Variants in DPF3 observed in about 807,000 individuals in gnomAD.
DPF3 encodes double PHD fingers 3.
A neutral mutation model predicts 56.8 loss-of-function variants in DPF3; 18 were observed. The ratio of observed to expected loss-of-function variants is 0.32; its 90% CI spans 0.22 to 0.47. The LOEUF is 0.47. Among genes scored for constraint, DPF3 ranks in the 20% least tolerant of loss-of-function variants. The pLI, the probability that DPF3 is intolerant of heterozygous loss-of-function variation, is 1.00. For synonymous variants in DPF3, 188 were observed against 180.2 expected (o/e 1.04, Z -0.35); for missense variants, 403 against 488.8 (o/e 0.82, Z 1.65).
chr14:72,685,666 T>C (rs1224892530), intron 7 of DPF3, among the ~76,000 whole-genome samples: 1 of 152,216 alleles, frequency 6.6e-6, no homozygotes, highest in Non-Finnish European at 1.5e-5. Context: ...ATACAGCACC[T>C]GCCTTGCAGG....
At chr14:72,861,801 A>T (rs543738645) in intron 1 of DPF3, among the ~76,000 whole-genome samples, 1 of 150,422 alleles carries the variant, frequency 6.6e-6, no homozygotes, top group Admixed American at 6.6e-5. Flanking sequence ...GAAAGAAAGA[A>T]AGAAGGAAAG....
chr14:72,670,393 A>G (rs192367162), intron 8 of DPF3: 5 of 986,094 alleles, frequency 5.1e-6, no homozygotes, highest in African/African-American at 3.5e-5. Context: ...GCGGCTGGTC[A>G]GGGCCCAGGT....
In DPF3 at chr14:72,733,857, C is replaced by T. The variant is rs547700199; in HGVS notation, c.302-1923G>A. Among the ~76,000 whole-genome samples, 11 of 152,292 alleles carry T rather than the reference C, an allele frequency of 7.2e-5. No homozygotes were observed. The South Asian group carries it at 1.5e-3, about 20-fold the overall frequency. ...CCATGAGGAAGCGGCAAGCGGGCAT[C>T]CATTAAAACTGAACAAATGCACACC... is the stretch of plus-strand genomic sequence containing the variant. On this transcript the variant is annotated intron_variant, in intron 3 of 10. Coordinates refer to ENST00000556509, the MANE Select transcript of DPF3 (RefSeq NM_001280542.3).
chr14:72,669,974 C>A (rs1244271743), intron 8 of DPF3: 1 of 985,986 alleles, frequency 1.0e-6, no homozygotes, highest in African/African-American at 1.7e-5. Flanking sequence ...ACCTCGCAGC[C>A]GGTCATTCTT....
chr14:72,655,688 C>T (rs1886043545), intron 8 of DPF3, among the ~76,000 whole-genome samples: 1 of 152,180 alleles, frequency 6.6e-6, no homozygotes, highest in Non-Finnish European at 1.5e-5. Context: ...TGGAAGTCAA[C>T]AAAAGGCTTG....
At chr14:72,663,905 G>A (rs956279049) in intron 8 of DPF3, among the ~76,000 whole-genome samples, 3 of 152,058 alleles carry the variant, frequency 2.0e-5, no homozygotes, top group Non-Finnish European at 4.4e-5. Context: ...GCACAGGCCT[G>A]GATTAGATGC....
intron 1 of DPF3, chr14:72,879,756 C>T: frequency 6.6e-7 from 1 of 1,504,306 alleles, no homozygotes; most frequent in Non-Finnish European, 8.9e-7. Flanking sequence ...ACAGAGCATC[C>T]CCTCAGACTA....
In DPF3 at chr14:72,619,171, C is replaced by G; in HGVS notation, c.*126G>C. Reference sequence around the variant, plus strand: ...CTCTTCGTTCCATGTGTCCCTGCCCCTCTGGGACTATTTCTTTTCCTTGCA... The same window carrying G: ...CTCTTCGTTCCATGTGTCCCTGCCCGTCTGGGACTATTTCTTTTCCTTGCA... On this transcript the variant is annotated 3_prime_UTR_variant, in exon 11 of 11. Coordinates refer to ENST00000556509, the MANE Select transcript of DPF3 (RefSeq NM_001280542.3). 2 of 954,500 alleles carry G rather than the reference C, an allele frequency of 2.1e-6. No individual in the cohort carries two copies. Among genetic ancestry groups the G allele is most frequent in the Non-Finnish European group, 3.1e-6 (2 of 649,842 alleles). The allele number at this position is 954,500 out of a possible 1,614,324, so 59.1% of individuals were successfully genotyped here. A position where few individuals can be genotyped will look rare whatever the true frequency, so the allele number is the denominator to read the frequency against.
intron 1 of DPF3, among the ~76,000 whole-genome samples, chr14:72,823,676 A>G (rs1024467202): frequency 1.3e-5 from 2 of 152,240 alleles, no homozygotes; most frequent in Non-Finnish European, 1.5e-5. Context: ...CCTGGAATGT[A>G]ACTAAGCAGT....
At chr14:72,879,016 G>C (rs1207491034) in intron 1 of DPF3, among the ~76,000 whole-genome samples, 1 of 152,232 alleles carries the variant, frequency 6.6e-6, no homozygotes, top group East Asian at 1.9e-4. Context: ...CAGGGTATCT[G>C]CCTGCAGGCT....
chr14:72,746,435 T>C (rs953251562), intron 3 of DPF3, among the ~76,000 whole-genome samples: 1 of 152,096 alleles, frequency 6.6e-6, no homozygotes, highest in Non-Finnish European at 1.5e-5. Flanking sequence ...CAGAAGAGGA[T>C]TGGGAAATGA....
intron 10 of DPF3, 64 bp from the exon 11 acceptor site, chr14:72,619,431 G>A (rs1190180396): frequency 1.3e-6 from 2 of 1,494,332 alleles, no homozygotes; most frequent in African/African-American, 2.8e-5. Context: ...CACCCCACTG[G>A]CCCTAACTTC....
intron 1 of DPF3, among the ~76,000 whole-genome samples, chr14:72,893,753 C>A (rs541472554): frequency 1.4e-4 from 22 of 152,204 alleles, no homozygotes; most frequent in Admixed American, 1.2e-3. Context: ...CTCCCGCGAC[C>A]CTCCTGCTGT....
chr14:72,815,971 A>C (rs1883263890), intron 1 of DPF3, among the ~76,000 whole-genome samples: 1 of 152,242 alleles, frequency 6.6e-6, no homozygotes, highest in African/African-American at 2.4e-5. Flanking sequence ...AAGTAGTTCC[A>C]TATTTCCAGG....
At chr14:72,635,122 A>G (rs1342408643) in intron 8 of DPF3, among the ~76,000 whole-genome samples, 1 of 152,184 alleles carries the variant, frequency 6.6e-6, no homozygotes, top group Non-Finnish European at 1.5e-5. Context: ...GACACTGGGT[A>G]TGTCACCCAT....
At chr14:72,785,534 A>C (rs1892176557) in intron 1 of DPF3, among the ~76,000 whole-genome samples, 1 of 152,230 alleles carries the variant, frequency 6.6e-6, no homozygotes, top group Non-Finnish European at 1.5e-5. Flanking sequence ...CTCCAGAACT[A>C]GAATAACCTG....
intron 4 of DPF3, among the ~76,000 whole-genome samples, chr14:72,725,100 T>C (rs1482384134): frequency 6.6e-6 from 1 of 152,092 alleles, no homozygotes. Flanking sequence ...AATTATACAA[T>C]AGGAATTCAT....
chr14:72,795,280 A>T (rs1271946429), intron 1 of DPF3, among the ~76,000 whole-genome samples: 2 of 17,592 alleles, frequency 1.1e-4, no homozygotes, highest in Non-Finnish European at 1.8e-4. Context: ...TTTTTGACAA[A>T]AAAAAAAAAA....
chr14:72,806,104 T>A (rs976922370), intron 1 of DPF3: 2 of 152,146 alleles, frequency 1.3e-5, no homozygotes, highest in Non-Finnish European at 2.9e-5. Context: ...CTTTAAATCA[T>A]CAAAGGGCCT....
Sources: allele counts gnomAD v4.1 joint callset (sites outside exome capture counted in the v4.1 genomes callset), GRCh38; gene constraint gnomAD v4.1.1; transcripts MANE v1.5; gene names NCBI Gene and HGNC (gene_info 2026-07-23, HGNC 2026-07-21).